Variants in PTPN2 observed in about 807,000 individuals in gnomAD.
The protein encoded by PTPN2 is tyrosine-protein phosphatase non-receptor type 2.
PTPN2 carries 19 observed loss-of-function variants against 57.3 expected under a neutral mutation model. That is an observed-to-expected ratio of 0.33 (90% CI 0.23 to 0.49). The LOEUF (loss-of-function observed/expected upper bound fraction) is 0.49, where lower values mean the gene tolerates loss of function less well. Among genes scored for constraint, PTPN2 ranks in the 20% least tolerant of loss-of-function variants. The pLI, the probability that PTPN2 is intolerant of heterozygous loss-of-function variation, is 0.99. For synonymous variants in PTPN2, 153 were observed against 164.9 expected (o/e 0.93, Z 0.55); for missense variants, 358 against 501.1 (o/e 0.71, Z 2.73).
chr18:12,825,475 G>T (rs1372917396), intron 5 of PTPN2, among the ~76,000 whole-genome samples: 1 of 152,124 alleles, frequency 6.6e-6, no homozygotes, highest in African/African-American at 2.4e-5. Flanking sequence ...TGGGGAACAA[G>T]TCTAAAGTAC....
chr18:12,815,590 T>TG (rs1362875813), intron 6 of PTPN2, among the ~76,000 whole-genome samples: 17 of 152,102 alleles, frequency 1.1e-4, no homozygotes, highest in Non-Finnish European at 2.2e-4. Flanking sequence ...AAAAAATTGT[T>TG]GAAGTTATAG....
At chr18:12,881,434 CA>C (rs375162157) in intron 1 of PTPN2, among the ~76,000 whole-genome samples, 9 of 147,080 alleles carry the variant, frequency 6.1e-5, no homozygotes, top group Non-Finnish European at 7.5e-5. Context: ...GGGACTCTGT[CA>C]AAAAAAAAAG....
exon 10 of PTPN2, chr18:12,785,793 T>C (rs764242205): frequency 6.2e-7 from 1 of 1,606,338 alleles, no homozygotes; most frequent in South Asian, 1.1e-5. Flanking sequence ...TCAAAATTTA[T>C]AGCTGCAGAA....
intron 2 of PTPN2, among the ~76,000 whole-genome samples, chr18:12,844,733 GAGC>G (rs1598836721): frequency 6.6e-6 from 1 of 152,230 alleles, no homozygotes; most frequent in East Asian, 1.9e-4. Context: ...GTGTTTTGAG[GAGC>G]AGAAGTTTTT....
At chr18:12,820,860 C>T (rs895718679) in intron 5 of PTPN2, among the ~76,000 whole-genome samples, 2 of 152,168 alleles carry the variant, frequency 1.3e-5, no homozygotes, top group Non-Finnish European at 2.9e-5. Context: ...ATCCCATTTA[C>T]ATTTTTAAAA....
At chr18:12,848,522 C>T (rs2043287576) in intron 2 of PTPN2, among the ~76,000 whole-genome samples, 1 of 152,222 alleles carries the variant, frequency 6.6e-6, no homozygotes, top group South Asian at 2.1e-4. Flanking sequence ...AAGCTTCTGC[C>T]TTGCTCTCTA....
At chr18:12,873,549 G>C (rs531487766) in intron 1 of PTPN2, among the ~76,000 whole-genome samples, 3 of 152,312 alleles carry the variant, frequency 2.0e-5, no homozygotes, top group South Asian at 2.1e-4. Context: ...CTCGGCCTCC[G>C]GAGGTGCCGG....
At chr18:12,882,606 G>A (rs1191158129) in intron 1 of PTPN2, among the ~76,000 whole-genome samples, 3 of 152,200 alleles carry the variant, frequency 2.0e-5, no homozygotes, top group Non-Finnish European at 4.4e-5. Flanking sequence ...CAGCTGGCAG[G>A]CTCTCTCACA....
At chr18:12,788,358 A>G (rs1285412425), downstream of PTPN2, among the ~76,000 whole-genome samples, 1 of 151,632 alleles carries the variant, frequency 6.6e-6, no homozygotes, top group South Asian at 2.1e-4. Context: ...ATTTAAAAAA[A>G]TAAAGTAGGA....
At chr18:12,804,116 ATGG>A (rs2145257594) in intron 7 of PTPN2, among the ~76,000 whole-genome samples, 1 of 152,052 alleles carries the variant, frequency 6.6e-6, no homozygotes, top group Non-Finnish European at 1.5e-5. Context: ...CCTGGCCAAC[ATGG>A]TGAAATGCCA....
At chr18:12,876,538 G>GC (rs2044498603) in intron 1 of PTPN2, among the ~76,000 whole-genome samples, 2 of 152,120 alleles carry the variant, frequency 1.3e-5, no homozygotes, top group Admixed American at 6.5e-5. Context: ...GGAGACAAAC[G>GC]CAACTATCTG....
chr18:12,856,605 G>A (rs750385543), intron 2 of PTPN2, among the ~76,000 whole-genome samples: 16 of 152,230 alleles, frequency 1.1e-4, no homozygotes, highest in Non-Finnish European at 1.0e-4. Flanking sequence ...GCCTGATAAC[G>A]CATATTTTAA....
intron 1 of PTPN2, among the ~76,000 whole-genome samples, chr18:12,869,940 T>A (rs75534285): frequency 6.6e-6 from 1 of 152,220 alleles, no homozygotes; most frequent in East Asian, 1.9e-4. Flanking sequence ...GAAACACCAT[T>A]ACTTTAGGAT....
intron 7 of PTPN2, among the ~76,000 whole-genome samples, chr18:12,804,446 CG>C (rs1568088479): frequency 1.5e-4 from 22 of 149,152 alleles, no homozygotes; most frequent in African/African-American, 5.2e-4. Context: ...AAAAAAGAAA[CG>C]AAAGATCAAC....
At chr18:12,870,314 T>C (rs534710945) in intron 1 of PTPN2, among the ~76,000 whole-genome samples, 41 of 69,702 alleles carry the variant, frequency 5.9e-4, no homozygotes, top group African/African-American at 2.6e-3. Context: ...TATATACATA[T>C]ATATGTGTAT....
intron 7 of PTPN2, among the ~76,000 whole-genome samples, chr18:12,813,129 G>A (rs1195297341): frequency 6.6e-6 from 1 of 152,058 alleles, no homozygotes; most frequent in Non-Finnish European, 1.5e-5. Flanking sequence ...AAGGCGGCAT[G>A]CAGGCTGTGA....
rs777921807 is a variant in PTPN2 at position 12,795,689 on chromosome 18, C to T, written c.1041-1204G>A. The stretch of plus-strand genomic sequence containing the variant: ...AATGCCATCCAGCTACTCAGGAGGA[C>T]GGCTTAAGCCCAGGAATTCAAGTCC... On this transcript the variant is annotated intron_variant, in intron 8 of 8. Coordinates refer to ENST00000309660, the MANE Select transcript of PTPN2 (RefSeq NM_002828.4). Among the ~76,000 whole-genome samples the T allele has an allele frequency of 1.1e-4, 16 of 152,102 alleles. No homozygotes were observed. The East Asian group carries it at 1.2e-3, about 11-fold the overall frequency.
intron 2 of PTPN2, among the ~76,000 whole-genome samples, chr18:12,855,223 A>G (rs1349783360): frequency 6.6e-6 from 1 of 152,194 alleles, no homozygotes; most frequent in East Asian, 1.9e-4. Context: ...CAAATGGCAC[A>G]TTGATTCTTT....
chr18:12,789,945 T>C (rs985092024), downstream of PTPN2, among the ~76,000 whole-genome samples: 3 of 151,766 alleles, frequency 2.0e-5, no homozygotes, highest in Non-Finnish European at 2.9e-5. Context: ...GAGACAAATA[T>C]ACAGAGAGAG....
Sources: allele counts gnomAD v4.1 joint callset (sites outside exome capture counted in the v4.1 genomes callset), GRCh38; gene constraint gnomAD v4.1.1; transcripts MANE v1.5; gene names NCBI Gene and HGNC (gene_info 2026-07-23, HGNC 2026-07-21).